The following STK24 variants were observed in gnomAD, a reference collection of about 807,000 sequenced individuals.
STK24 encodes serine/threonine kinase 24.
A neutral mutation model predicts 55.6 loss-of-function variants in STK24; 21 were observed. That is an observed-to-expected ratio of 0.38 (90% confidence interval 0.27 to 0.54). The LOEUF (loss-of-function observed/expected upper bound fraction) is 0.54. Ranked by LOEUF, STK24 falls within the 20% of genes least tolerant of loss-of-function variation. The pLI is 0.79. For synonymous variants in STK24, 200 were observed against 215.2 expected (o/e 0.93, Z 0.62); for missense variants, 383 against 538.4 (o/e 0.71, Z 2.86).
At position 98,519,382 on chromosome 13, in the gene STK24, C is replaced by T. The variant is rs147189846; in HGVS notation, c.134G>A (p.Arg45Gln). The change falls in exon 2 of 11, where the codon CGG (arginine) becomes CAG (glutamine). Residue 45 changes from arginine to glutamine, a missense_variant. Physicochemically the swap from Arg to Gln is conservative, Grantham distance 43. Transcript: ENST00000539966. Reference protein sequence around the residue: ...FGEVFKGIDNRTQKVVAIKII... With the variant: ...FGEVFKGIDNQTQKVVAIKII... ...CTTTATGGCAACCACTTTCTGAGTC[C>T]GATTGTCAATGCCTTTGAACACCTC... is the stretch of plus-strand genomic sequence containing the variant. 1.4e-5 allele frequency: 22 copies of T among 1,614,186 alleles called. No individual in the cohort carries two copies. The East Asian group carries it at 2.7e-4, about 20-fold the overall frequency.
At chr13:98,461,215 C>T (rs1267234589) in intron 8 of STK24, among the ~76,000 whole-genome samples, 1 of 152,140 alleles carries the variant, frequency 6.6e-6, no homozygotes, top group East Asian at 1.9e-4. Context: ...CTTATCAAAG[C>T]GGGACTTGTA....
At chr13:98,464,244 C>T (rs1429174855) in intron 6 of STK24, among the ~76,000 whole-genome samples, 3 of 151,808 alleles carry the variant, frequency 2.0e-5, no homozygotes, top group African/African-American at 2.4e-5. Context: ...GGTGAAACCC[C>T]GTCTTTACTA....
At chr13:98,564,288 T>A (rs1897509358) in intron 1 of STK24, among the ~76,000 whole-genome samples, 1 of 152,110 alleles carries the variant, frequency 6.6e-6, no homozygotes, top group African/African-American at 2.4e-5. Flanking sequence ...CCGGCGGGTA[T>A]GCCCTTCTCT....
intron 1 of STK24, among the ~76,000 whole-genome samples, chr13:98,533,866 A>G (rs2139406592): frequency 6.6e-6 from 1 of 152,182 alleles, no homozygotes; most frequent in African/African-American, 2.4e-5. Context: ...AGGTGACCCT[A>G]GAGAGAATAA....
At chr13:98,552,441 C>T (rs570624974) in intron 1 of STK24, among the ~76,000 whole-genome samples, 1 of 152,092 alleles carries the variant, frequency 6.6e-6, no homozygotes, top group Admixed American at 6.5e-5. Context: ...GCTAAGCCGG[C>T]GGAGGTCTTC....
At chr13:98,533,291 G>A (rs771447885) in intron 1 of STK24, among the ~76,000 whole-genome samples, 2 of 152,166 alleles carry the variant, frequency 1.3e-5, no homozygotes, top group African/African-American at 4.8e-5. Context: ...CCTGGGAGGT[G>A]GAGGTTGCAG....
At chr13:98,455,510 GGA>G (rs1187993452) in intron 10 of STK24, 1 of 152,322 alleles carries the variant, frequency 6.6e-6, no homozygotes, top group Non-Finnish European at 1.5e-5. Context: ...CAAAGCATTG[GGA>G]TTACAGGCAT....
chr13:98,575,738 A>C (rs1208016130), intron 1 of STK24, among the ~76,000 whole-genome samples: 1 of 152,140 alleles, frequency 6.6e-6, no homozygotes, highest in Non-Finnish European at 1.5e-5. Flanking sequence ...ACTCAGCTAA[A>C]CTGGCAGAGC....
intron 1 of STK24, among the ~76,000 whole-genome samples, chr13:98,525,800 A>T (rs1896410441): frequency 6.6e-6 from 1 of 152,264 alleles, no homozygotes; most frequent in Non-Finnish European, 1.5e-5. Flanking sequence ...CTATCTCTGC[A>T]TTAAGGGCAA....
At position 98,446,028 on chromosome 13, in the gene STK24, G is replaced by A; in HGVS notation, c.*7145C>T. ...CCCCAGCCCAGGGCCCTGGTGCAGG[G>A]AGAGCTGCTCTCTGTGCCCTCCTGG... On this transcript the variant is annotated 3_prime_UTR_variant, in exon 11 of 11. Coordinates refer to ENST00000539966, the MANE Select transcript of STK24 (RefSeq NM_001032296.4). 1 of 1,045,306 alleles carries A rather than the reference G, an allele frequency of 9.6e-7. No individual in the cohort carries two copies. Among genetic ancestry groups the A allele is most frequent in the Admixed American group, 1.8e-5 (1 of 55,686 alleles). 64.8% of individuals were successfully genotyped at this position (1,045,306 alleles called of 1,614,324 possible).
intron 1 of STK24, among the ~76,000 whole-genome samples, chr13:98,547,343 T>TA (rs1897053543): frequency 6.6e-6 from 1 of 152,136 alleles, no homozygotes; most frequent in South Asian, 2.1e-4. Context: ...GGCCAGGAGT[T>TA]AGAGACCAGT....
chr13:98,505,049 G>C (rs1895636077), intron 2 of STK24: 1 of 152,224 alleles, frequency 6.6e-6, no homozygotes, highest in Non-Finnish European at 1.5e-5. Context: ...CTGGCCCCAA[G>C]GTCCCTGTAA....
chr13:98,450,934 ACCCCACCTC>A lies in STK24; in HGVS notation c.*2230_*2238del, dbSNP rs1176792404. On this transcript the variant is annotated 3_prime_UTR_variant, in exon 11 of 11. Transcript: ENST00000539966. Reference sequence around the variant, plus strand: ...GAGGCGAGCTTTCTAACTCCATCAAACCCCACCTCCCCCGACAGGAAATGCTGCCAGTCA... The same window carrying A: ...GAGGCGAGCTTTCTAACTCCATCAAACCCCGACAGGAAATGCTGCCAGTCA... 6.6e-6 allele frequency: 1 copy of A among 152,050 alleles called. No homozygotes were observed. Among genetic ancestry groups the A allele is most frequent in the Non-Finnish European group, 1.5e-5 (1 of 68,022 alleles). The allele number at this position is 152,050 out of a possible 1,614,324, so 9.4% of individuals were successfully genotyped here.
chr13:98,475,297 C>A lies in STK24; in HGVS notation c.392G>T (p.Gly131Val). The A allele has an allele frequency of 6.2e-7, 1 of 1,613,894 alleles. No individual in the cohort carries two copies. The highest frequency in any genetic ancestry group is 8.5e-7 in the Non-Finnish European group (1 of 1,179,920). The change falls in exon 4 of 11, where the codon GGA becomes GTA. Residue 131 changes from glycine (G) to valine (V), a missense_variant. Gly to Val is a moderately radical substitution (Grantham distance 109). Coordinates refer to ENST00000539966, the MANE Select transcript of STK24 (RefSeq NM_001032296.4). ...CTTCTCCGAATGGAGATAATCGAGT[C>A]CTTTCAGTATTTCTCTTAATATAGT... The part of the protein sequence containing the change: ...IATILREILK[G>V]LDYLHSEKKI...
intron 1 of STK24, among the ~76,000 whole-genome samples, chr13:98,533,615 A>G (rs1169481082): frequency 6.6e-6 from 1 of 152,130 alleles, no homozygotes; most frequent in African/African-American, 2.4e-5. Context: ...GAGCCACTGC[A>G]CTCCAGCCTG....
chr13:98,516,569 A>G (rs1896067176), intron 2 of STK24, among the ~76,000 whole-genome samples: 1 of 152,146 alleles, frequency 6.6e-6, no homozygotes, highest in African/African-American at 2.4e-5. Context: ...CTGAGTTCTG[A>G]CCAGGAGAAC....
At chr13:98,568,914 G>A (rs913716497) in intron 1 of STK24, among the ~76,000 whole-genome samples, 2 of 152,006 alleles carry the variant, frequency 1.3e-5, no homozygotes, top group Non-Finnish European at 2.9e-5. Flanking sequence ...GATGCAGAAG[G>A]TTCACCATCC....
At chr13:98,497,689 C>T (rs1215491692) in intron 2 of STK24, among the ~76,000 whole-genome samples, 3 of 152,366 alleles carry the variant, frequency 2.0e-5, no homozygotes, top group South Asian at 4.1e-4. Context: ...CACCCACACC[C>T]TGGCTCTGGA....
chr13:98,493,027 CTCTAA>C (rs575939864), intron 2 of STK24, among the ~76,000 whole-genome samples: 226 of 152,320 alleles, frequency 1.5e-3, no homozygotes, highest in South Asian at 5.8e-3. Flanking sequence ...AGCCAATGAA[CTCTAA>C]TCTGACTGTC....
Sources: allele counts gnomAD v4.1 joint callset (sites outside exome capture counted in the v4.1 genomes callset), GRCh38; gene constraint gnomAD v4.1.1; transcripts MANE v1.5; gene names NCBI Gene and HGNC (gene_info 2026-07-23, HGNC 2026-07-21).